SLC24A2: variants seen among roughly 807,000 people sequenced by gnomAD.
SLC24A2 encodes sodium/potassium/calcium exchanger 2.
Under a neutral mutation model 62.0 loss-of-function variants are expected in SLC24A2, and 36 were observed. The ratio of observed to expected loss-of-function variants is 0.58; its 90% CI spans 0.44 to 0.77. The LOEUF (loss-of-function observed/expected upper bound fraction) is 0.77, where lower values mean the gene tolerates loss of function less well. Ranked by LOEUF, SLC24A2 falls within the 30% of genes least tolerant of loss-of-function variation. The pLI, the probability that SLC24A2 is intolerant of heterozygous loss-of-function variation, is 0.00. For missense variants in SLC24A2, 846 were observed against 817.9 expected (o/e 1.03, Z -0.42); for synonymous variants, 358 against 294.0 (o/e 1.22, Z -2.23).
chr9:19,708,480 C>G (rs13286017), intron 2 of SLC24A2, among the ~76,000 whole-genome samples: 29,127 of 152,046 alleles, frequency 0.19, 2,908 homozygotes, highest in Middle Eastern at 0.24. Flanking sequence ...AAAGCTGGAG[C>G]CATCACGCTA....
chr9:19,557,943 C>A (rs1835180930), intron 7 of SLC24A2, among the ~76,000 whole-genome samples: 1 of 151,652 alleles, frequency 6.6e-6, no homozygotes, highest in Non-Finnish European at 1.5e-5. Flanking sequence ...CTTTAGCCTC[C>A]CAAGTAGCTG....
At chr9:20,045,381 G>C in the SLC24A2 span, among the ~76,000 whole-genome samples, 1 of 152,048 alleles carries the variant, frequency 6.6e-6, no homozygotes, top group East Asian at 1.9e-4. Context: ...AGAAGAGTGA[G>C]AATTAATATG....
the SLC24A2 span, among the ~76,000 whole-genome samples, chr9:20,064,403 T>A: frequency 6.6e-6 from 1 of 152,194 alleles, no homozygotes; most frequent in Non-Finnish European, 1.5e-5. Flanking sequence ...CAGATTGTGC[T>A]TGGGGTTTGC....
chr9:19,809,568 G>A, the SLC24A2 span, among the ~76,000 whole-genome samples: 4 of 152,020 alleles, frequency 2.6e-5, no homozygotes, highest in African/African-American at 9.7e-5. Flanking sequence ...AGACATAGAT[G>A]CCTGCAGTTG....
chr9:19,776,222 GTAT>G, intron 2 of SLC24A2, among the ~76,000 whole-genome samples: 1 of 152,202 alleles, frequency 6.6e-6, no homozygotes. Context: ...TGCTTCATCT[GTAT>G]TTTTAAGTGC....
At chr9:19,603,272 T>C (rs1462113992) in intron 4 of SLC24A2, among the ~76,000 whole-genome samples, 7 of 152,138 alleles carry the variant, frequency 4.6e-5, no homozygotes, top group Non-Finnish European at 8.8e-5. Flanking sequence ...AGATTACATT[T>C]ACAAAATCAA....
intron 2 of SLC24A2, among the ~76,000 whole-genome samples, chr9:19,778,122 T>C (rs970902157): frequency 2.0e-5 from 3 of 152,206 alleles, no homozygotes; most frequent in African/African-American, 7.2e-5. Flanking sequence ...TTTTGAGAAA[T>C]CTATAGTCTG....
At chr9:19,903,533 A>G in the SLC24A2 span, among the ~76,000 whole-genome samples, 1 of 152,338 alleles carries the variant, frequency 6.6e-6, no homozygotes, top group Admixed American at 6.5e-5. Flanking sequence ...AACTCAGGAT[A>G]TGGCAGAAAG....
chr9:19,797,724 G>A, the SLC24A2 span, among the ~76,000 whole-genome samples: 1 of 152,138 alleles, frequency 6.6e-6, no homozygotes, highest in Admixed American at 6.6e-5. Context: ...TAGATTTTAA[G>A]GTAGCTTACC....
At chr9:20,245,278 C>G in the SLC24A2 span, among the ~76,000 whole-genome samples, 1 of 152,138 alleles carries the variant, frequency 6.6e-6, no homozygotes, top group Non-Finnish European at 1.5e-5. Context: ...TATCAAGTTT[C>G]ACGGGTTACC....
In SLC24A2 at chr9:19,514,848, T is replaced by A. The variant is rs1373733076; in HGVS notation, c.*1305A>T. 1 of 152,196 alleles carries A rather than the reference T, an allele frequency of 6.6e-6. No homozygotes were observed. The highest frequency in any genetic ancestry group is 1.5e-5 in the Non-Finnish European group (1 of 68,054). 9.4% of individuals were successfully genotyped at this position (152,196 alleles called of 1,614,324 possible). On this transcript the variant is annotated 3_prime_UTR_variant, in exon 11 of 11. Transcript: ENST00000341998. ...GGGGTGCACTGAGTGTGCAAATGCC[T>A]TTCCAAGCATCGCTAAGTTGCCTCA...
the SLC24A2 span, among the ~76,000 whole-genome samples, chr9:19,845,697 T>C: frequency 1.3e-5 from 2 of 152,164 alleles, no homozygotes; most frequent in Non-Finnish European, 2.9e-5. Flanking sequence ...TATTCTGGGA[T>C]CTATTTAACT....
At chr9:20,210,359 T>C in the SLC24A2 span, among the ~76,000 whole-genome samples, 8 of 152,286 alleles carry the variant, frequency 5.3e-5, no homozygotes, top group South Asian at 2.1e-4. Context: ...TCTTAAATAA[T>C]AAAATAAAAT....
At chr9:19,555,939 T>TG (rs914371602) in intron 7 of SLC24A2, among the ~76,000 whole-genome samples, 3 of 152,040 alleles carry the variant, frequency 2.0e-5, no homozygotes, top group Non-Finnish European at 2.9e-5. Flanking sequence ...GACTCCATCT[T>TG]GGGGAAAAAA....
the SLC24A2 span, among the ~76,000 whole-genome samples, chr9:19,906,070 C>T: frequency 6.6e-6 from 1 of 152,070 alleles, no homozygotes; most frequent in African/African-American, 2.4e-5. Flanking sequence ...TGACCACATA[C>T]TTGGAAGTAA....
the SLC24A2 span, among the ~76,000 whole-genome samples, chr9:20,250,615 C>T: frequency 6.6e-6 from 1 of 152,114 alleles, no homozygotes. Context: ...CCATGCACGC[C>T]TCATGTGAGT....
At chr9:20,025,882 G>T in the SLC24A2 span, among the ~76,000 whole-genome samples, 10 of 152,120 alleles carry the variant, frequency 6.6e-5, 1 homozygote, top group Admixed American at 6.5e-4. Context: ...AGAGGTAGAA[G>T]ATGCATCACT....
At chr9:20,067,415 T>A in the SLC24A2 span, among the ~76,000 whole-genome samples, 1 of 152,166 alleles carries the variant, frequency 6.6e-6, no homozygotes, top group African/African-American at 2.4e-5. Context: ...ATGTCTGATT[T>A]TTAAATTTTT....
At position 19,636,371 on chromosome 9, in the gene SLC24A2, CTT is replaced by C. The variant is rs1405871064; in HGVS notation, c.931-14074_931-14073del. ...TCTTTCTTTCTTTCTTTCTTTCTTT[CTT>C]TCTTTCTTTCTTTCTCCCTCTCTCT... On this transcript the variant is annotated intron_variant, in intron 2 of 10. Coordinates refer to ENST00000341998, the MANE Select transcript of SLC24A2 (RefSeq NM_020344.4). Among the ~76,000 whole-genome samples the C allele has an allele frequency of 7.3e-3, 245 of 33,538 alleles. 1 individual carries two copies. The highest frequency in any genetic ancestry group is 0.014 in the Middle Eastern group (1 of 70). The allele number at this position is 33,538 out of a possible 152,430, so 22.0% of individuals were successfully genotyped here. A position where few individuals can be genotyped will look rare whatever the true frequency, so the allele number is the denominator to read the frequency against.
Sources: allele counts gnomAD v4.1 joint callset (sites outside exome capture counted in the v4.1 genomes callset), GRCh38; gene constraint gnomAD v4.1.1; transcripts MANE v1.5; gene names NCBI Gene and HGNC (gene_info 2026-07-23, HGNC 2026-07-21).